Variants in TMEM132D observed in about 807,000 individuals in gnomAD.
The protein encoded by TMEM132D is mature OL transmembrane protein.
A neutral mutation model predicts 62.3 loss-of-function variants in TMEM132D; 21 were observed. The ratio of observed to expected loss-of-function variants is 0.34; its 90% CI spans 0.24 to 0.49. TMEM132D has a LOEUF of 0.49. Among genes scored for constraint, TMEM132D ranks in the 20% least tolerant of loss-of-function variants. The pLI is 0.99. For missense variants in TMEM132D, 1,346 were observed against 1,402.8 expected (o/e 0.96, Z 0.65); for synonymous variants, 621 against 575.6 (o/e 1.08, Z -1.13).
At chr12:129,411,665 T>C (rs1871970920) in intron 3 of TMEM132D, among the ~76,000 whole-genome samples, 1 of 152,202 alleles carries the variant, frequency 6.6e-6, no homozygotes, top group Non-Finnish European at 1.5e-5. Flanking sequence ...TAATTATTGC[T>C]ATTTTAAACA....
At chr12:129,769,737 G>T (rs1182620459) in intron 1 of TMEM132D, among the ~76,000 whole-genome samples, 2 of 152,192 alleles carry the variant, frequency 1.3e-5, no homozygotes, top group Non-Finnish European at 2.9e-5. Flanking sequence ...ATTTGAAAGA[G>T]GTCTTAACTG....
At chr12:129,663,038 G>A (rs866160886) in intron 2 of TMEM132D, among the ~76,000 whole-genome samples, 3 of 152,026 alleles carry the variant, frequency 2.0e-5, no homozygotes, top group South Asian at 2.1e-4. Flanking sequence ...ACTTTCAGTC[G>A]CCTGGTCTGA....
intron 3 of TMEM132D, among the ~76,000 whole-genome samples, chr12:129,517,442 C>T (rs185174082): frequency 1.1e-4 from 17 of 152,084 alleles, no homozygotes; most frequent in African/African-American, 3.4e-4. Context: ...AGGGGTGAGT[C>T]AGAGGGTCTG....
intron 3 of TMEM132D, among the ~76,000 whole-genome samples, chr12:129,354,740 G>A (rs1443518619): frequency 6.6e-6 from 1 of 152,038 alleles, no homozygotes; most frequent in Non-Finnish European, 1.5e-5. Flanking sequence ...CAGTTTCCAG[G>A]TAAAAAATCT....
chr12:129,653,203 G>A (rs896525516), intron 2 of TMEM132D, among the ~76,000 whole-genome samples: 1 of 152,112 alleles, frequency 6.6e-6, no homozygotes, highest in Non-Finnish European at 1.5e-5. Context: ...CCAGGATGAG[G>A]AGGGGCTGCA....
chr12:129,113,224 G>T (rs1185426034), intron 5 of TMEM132D: 3 of 152,136 alleles, frequency 2.0e-5, no homozygotes, highest in Admixed American at 6.5e-5. Flanking sequence ...CAGTCAGTTG[G>T]AGGGATGGAT....
chr12:129,538,540 C>A (rs1431639655), intron 2 of TMEM132D, among the ~76,000 whole-genome samples: 1 of 152,112 alleles, frequency 6.6e-6, no homozygotes. Flanking sequence ...TAGTACTAAA[C>A]CCTATACATA....
chr12:129,320,023 A>C (rs1206458313), intron 4 of TMEM132D, among the ~76,000 whole-genome samples: 1 of 152,218 alleles, frequency 6.6e-6, no homozygotes, highest in Non-Finnish European at 1.5e-5. Flanking sequence ...ATCACCATGA[A>C]TATGTAGCTG....
intron 1 of TMEM132D, among the ~76,000 whole-genome samples, chr12:129,826,596 C>A (rs963527076): frequency 6.6e-6 from 1 of 152,300 alleles, no homozygotes; most frequent in Admixed American, 6.5e-5. Flanking sequence ...GTGCTGGAAT[C>A]CTTCCGCTGT....
chr12:129,120,766 A>G (rs575353064), intron 5 of TMEM132D, among the ~76,000 whole-genome samples: 1 of 152,214 alleles, frequency 6.6e-6, no homozygotes, highest in Admixed American at 6.5e-5. Context: ...TTGAGGTGAA[A>G]GGTACACATA....
At chr12:129,643,320 C>G (rs112123890) in intron 2 of TMEM132D, among the ~76,000 whole-genome samples, 12 of 152,266 alleles carry the variant, frequency 7.9e-5, no homozygotes, top group African/African-American at 2.9e-4. Context: ...ACACCACTAG[C>G]GCAGTGTTTG....
intron 2 of TMEM132D, among the ~76,000 whole-genome samples, chr12:129,660,226 A>G (rs1880201350): frequency 6.6e-6 from 1 of 152,190 alleles, no homozygotes; most frequent in Non-Finnish European, 1.5e-5. Context: ...GGAAAGCAAT[A>G]AACAAATGGG....
At chr12:129,592,910 T>C (rs1209050364) in intron 2 of TMEM132D, among the ~76,000 whole-genome samples, 2 of 152,140 alleles carry the variant, frequency 1.3e-5, no homozygotes, top group Non-Finnish European at 2.9e-5. Context: ...TAGTTTGTAA[T>C]TGTTTTCATG....
chr12:129,343,794 G>A (rs548474248), intron 3 of TMEM132D, among the ~76,000 whole-genome samples: 5 of 151,644 alleles, frequency 3.3e-5, no homozygotes, highest in South Asian at 2.1e-4. Flanking sequence ...CAAATGAGCC[G>A]GGCATGGTGG....
intron 3 of TMEM132D, among the ~76,000 whole-genome samples, chr12:129,432,299 ATGGATGGATGGATGGATGCT>A (rs1490949495): frequency 2.9e-5 from 1 of 34,934 alleles, no homozygotes. Flanking sequence ...GCTTGGATGG[ATGGATGGATGGATGGATGCT>A]TGGATGGATG....
At chr12:129,800,006 A>C (rs1871713718) in intron 1 of TMEM132D, among the ~76,000 whole-genome samples, 1 of 152,200 alleles carries the variant, frequency 6.6e-6, no homozygotes. Context: ...GCACGTGCGT[A>C]CAGTCATTTT....
intron 1 of TMEM132D, among the ~76,000 whole-genome samples, chr12:129,826,548 A>C (rs1872668920): frequency 6.6e-6 from 1 of 152,202 alleles, no homozygotes; most frequent in African/African-American, 2.4e-5. Context: ...TATCAAGAAG[A>C]AAAAGATCTT....
chr12:129,278,523 T>C (rs1190407060), intron 4 of TMEM132D, among the ~76,000 whole-genome samples: 1 of 151,616 alleles, frequency 6.6e-6, no homozygotes, highest in Non-Finnish European at 1.5e-5. Context: ...CAGCCAGGCT[T>C]GGTTTCAGGA....
At chr12:129,080,256 G>A (rs901273053) in intron 7 of TMEM132D, among the ~76,000 whole-genome samples, 12 of 152,342 alleles carry the variant, frequency 7.9e-5, no homozygotes, top group African/African-American at 2.6e-4. Context: ...TATGGCTGCA[G>A]TAGACTTGCG....
Sources: gnomAD v4.1 joint callset for allele counts (sites outside exome capture counted in the v4.1 genomes callset) on GRCh38, gnomAD v4.1.1 for gene constraint, MANE v1.5 for transcripts, NCBI Gene and HGNC (gene_info 2026-07-23, HGNC 2026-07-21) for gene names.